Variants in KMT2C observed in about 807,000 individuals in gnomAD.
The protein encoded by KMT2C is histone-lysine N-methyltransferase 2C.
KMT2C carries 88 observed loss-of-function variants against 507.9 expected under a neutral mutation model. That is an observed-to-expected ratio of 0.17 (90% confidence interval 0.15 to 0.21). The LOEUF (loss-of-function observed/expected upper bound fraction) is 0.21, where lower values mean the gene tolerates loss of function less well. Among genes scored for constraint, KMT2C ranks in the 10% least tolerant of loss-of-function variants. The pLI, the probability that KMT2C is intolerant of heterozygous loss-of-function variation, is 1.00. For missense variants in KMT2C, 4,954 were observed against 5,957.8 expected, an observed-to-expected ratio of 0.83 and a Z score of 5.55; for synonymous variants, 2,049 against 2,080.8, an observed-to-expected ratio of 0.98 and a Z score of 0.42.
intron 52 of KMT2C, 146 bp from the exon 53 acceptor site, chr7:152,146,881 T>A: frequency 1.3e-6 from 1 of 786,064 alleles, no homozygotes; most frequent in Non-Finnish European, 1.9e-6. Flanking sequence ...TGTTTGGTAA[T>A]AATCTAATGA....
At chr7:152,327,022 G>A (rs931073948) in intron 3 of KMT2C, among the ~76,000 whole-genome samples, 1 of 152,240 alleles carries the variant, frequency 6.6e-6, no homozygotes, top group Non-Finnish European at 1.5e-5. Flanking sequence ...TGTATTTACA[G>A]TATGCTGGCT....
chr7:152,251,063 T>C, intron 11 of KMT2C, 97 bp from the exon 12 acceptor site: 1 of 657,434 alleles, frequency 1.5e-6, no homozygotes. Context: ...GGGCAAATCA[T>C]CACCAAAAAT....
intron 44 of KMT2C, chr7:152,157,767 G>T: frequency 7.9e-7 from 1 of 1,266,338 alleles, no homozygotes; most frequent in Non-Finnish European, 1.0e-6. Flanking sequence ...ATACCTTGTA[G>T]ATCAACTGAG....
intron 2 of KMT2C, among the ~76,000 whole-genome samples, chr7:152,340,049 T>C (rs560068800): frequency 9.2e-5 from 14 of 151,936 alleles, no homozygotes; most frequent in African/African-American, 3.1e-4. Context: ...AGTGGCACAA[T>C]CATAGCTCAT....
chr7:152,224,023 T>C lies in KMT2C; in HGVS notation c.3315A>G (p.Gln1105=), dbSNP rs148637313. The change falls in exon 20 of 59, where the codon CAA becomes CAG. Residue 1105 remains glutamine (Q), a synonymous_variant. Transcript: ENST00000262189. The part of the protein sequence containing the change: ...REEDLILQCR[Q]CDRWMHAVCQ... ...AAAAAATAGCACAATACCTATCACA[T>C]TGTCTACATTGCAGAATAAGATCTT... The C allele has an allele frequency of 1.2e-5, 20 of 1,605,980 alleles. No homozygotes were observed. The highest frequency in any genetic ancestry group is 6.7e-5 in the African/African-American group (5 of 74,654).
At chr7:152,419,947 A>G (rs1042921972) in intron 1 of KMT2C, among the ~76,000 whole-genome samples, 7 of 152,190 alleles carry the variant, frequency 4.6e-5, no homozygotes, top group African/African-American at 1.4e-4. Flanking sequence ...TAAACACTCA[A>G]CAAAGATGTC....
chr7:152,313,692 A>G (rs2096695479), intron 4 of KMT2C, among the ~76,000 whole-genome samples: 1 of 152,164 alleles, frequency 6.6e-6, no homozygotes, highest in Non-Finnish European at 1.5e-5. Flanking sequence ...AATCATTACC[A>G]AGCTAAATTA....
chr7:152,243,130 C>T (rs2095414569), intron 14 of KMT2C, among the ~76,000 whole-genome samples: 1 of 152,270 alleles, frequency 6.6e-6, no homozygotes, highest in East Asian at 1.9e-4. Context: ...AGTTCGATAT[C>T]AAGTAGAACA....
chr7:152,221,017 G>A (rs1231443238), intron 22 of KMT2C, among the ~76,000 whole-genome samples: 3 of 152,138 alleles, frequency 2.0e-5, no homozygotes, highest in Middle Eastern at 3.2e-3. Context: ...CACTTTGGGG[G>A]GCCGAGGCGG....
chr7:152,385,028 G>A (rs1420482836), intron 1 of KMT2C, among the ~76,000 whole-genome samples: 7 of 152,006 alleles, frequency 4.6e-5, no homozygotes, highest in Non-Finnish European at 1.0e-4. Flanking sequence ...GCCTCCTGAT[G>A]AAAGAATGCA....
intron 1 of KMT2C, among the ~76,000 whole-genome samples, chr7:152,405,115 G>GCT (rs1469075722): frequency 8.0e-4 from 116 of 144,862 alleles, no homozygotes; most frequent in Admixed American, 4.4e-3. Flanking sequence ...CTCCCAAAAT[G>GCT]GCAGGATTAC....
intron 42 of KMT2C, among the ~76,000 whole-genome samples, chr7:152,164,425 G>C (rs1465672362): frequency 6.6e-6 from 1 of 151,794 alleles, no homozygotes; most frequent in African/African-American, 2.4e-5. Context: ...GAGTAGCTGG[G>C]ACTACAGGCG....
At chr7:152,419,208 G>A (rs189723270) in intron 1 of KMT2C, among the ~76,000 whole-genome samples, 91 of 152,020 alleles carry the variant, frequency 6.0e-4, no homozygotes, top group African/African-American at 2.0e-3. Flanking sequence ...AAAATTAGCC[G>A]GGCATGGTGG....
chr7:152,251,668 C>T (rs1424716772), intron 11 of KMT2C, among the ~76,000 whole-genome samples: 6 of 152,094 alleles, frequency 3.9e-5, no homozygotes. Flanking sequence ...TGGGGAACTT[C>T]CACTGTCGGC....
intron 2 of KMT2C, among the ~76,000 whole-genome samples, chr7:152,347,192 A>C (rs1246420742): frequency 6.6e-6 from 1 of 152,348 alleles, no homozygotes; most frequent in South Asian, 2.1e-4. Flanking sequence ...TACTGATACC[A>C]TAAGTTTATG....
At chr7:152,358,761 T>G (rs535370135) in intron 1 of KMT2C, 86 bp from the exon 2 acceptor site, 3 of 823,844 alleles carry the variant, frequency 3.6e-6, no homozygotes, top group Non-Finnish European at 4.0e-6. Flanking sequence ...AAGGCACAAT[T>G]TGAAGGTATA....
intron 33 of KMT2C, among the ~76,000 whole-genome samples, 166 bp from the exon 34 acceptor site, chr7:152,185,797 C>G (rs1328642359): frequency 1.3e-5 from 2 of 152,234 alleles, no homozygotes; most frequent in African/African-American, 4.8e-5. Context: ...TCGTGGCACA[C>G]TGTAGGCCAA....
intron 1 of KMT2C, among the ~76,000 whole-genome samples, chr7:152,371,854 T>C (rs2097295879): frequency 6.6e-6 from 1 of 152,126 alleles, no homozygotes; most frequent in African/African-American, 2.4e-5. Context: ...CCTCAGGTGA[T>C]CCACCTGCCT....
chr7:152,243,661 C>A (rs199794357), intron 14 of KMT2C, among the ~76,000 whole-genome samples: 4 of 151,888 alleles, frequency 2.6e-5, no homozygotes, highest in Non-Finnish European at 5.9e-5. Flanking sequence ...GACGTGCGCC[C>A]GTAGTCCCCG....
Sources: allele counts gnomAD v4.1 joint callset (sites outside exome capture counted in the v4.1 genomes callset), GRCh38; gene constraint gnomAD v4.1.1; transcripts MANE v1.5; gene names NCBI Gene and HGNC (gene_info 2026-07-23, HGNC 2026-07-21).